The following CCDC12 variants were observed in gnomAD, a reference collection of about 807,000 sequenced individuals.
The protein encoded by CCDC12 is coiled-coil domain-containing protein 12.
Under a neutral mutation model 25.7 loss-of-function variants are expected in CCDC12, and 28 were observed. The ratio of observed to expected loss-of-function variants is 1.09; its 90% CI spans 0.81 to 1.50. The LOEUF (loss-of-function observed/expected upper bound fraction) is 1.50, where lower values mean the gene tolerates loss of function less well. Among genes scored for constraint, CCDC12 ranks in the 40% most tolerant of loss-of-function variants. CCDC12 has a pLI of 0.00. For synonymous variants in CCDC12, 75 were observed against 87.7 expected, an observed-to-expected ratio of 0.86 and a Z score of 0.81; for missense variants, 198 against 210.0, an observed-to-expected ratio of 0.94 and a Z score of 0.35.
At chr3:46,946,933 A>C (rs1296871173) in intron 1 of CCDC12, among the ~76,000 whole-genome samples, 1 of 152,162 alleles carries the variant, frequency 6.6e-6, no homozygotes, top group East Asian at 1.9e-4. Flanking sequence ...TCCCTTCCAG[A>C]AGGAAATAAG....
intron 1 of CCDC12, 169 bp downstream of exon 1, chr3:46,976,468 C>G: frequency 1.4e-6 from 2 of 1,427,616 alleles, no homozygotes; most frequent in Non-Finnish European, 9.1e-7. Context: ...CCACGCCAAG[C>G]AGCCCCAGAC....
chr3:46,940,978 G>C lies in CCDC12; in HGVS notation c.164+20C>G. The C allele has an allele frequency of 6.2e-7, 1 of 1,613,340 alleles. No individual in the cohort carries two copies. Among genetic ancestry groups the C allele is most frequent in the Non-Finnish European group, 8.5e-7 (1 of 1,179,262 alleles). ...GTGCTGGAGGAGAGAGCAGACCCTG[G>C]AGCTGCACACGGGCATTACCTGTGC... On this transcript the variant is annotated intron_variant, in intron 2 of 6. Coordinates refer to ENST00000683445, the MANE Select transcript of CCDC12 (RefSeq NM_001277074.2).
intron 1 of CCDC12, among the ~76,000 whole-genome samples, chr3:46,942,457 G>T (rs1003235129): frequency 6.6e-6 from 1 of 152,238 alleles, no homozygotes; most frequent in Non-Finnish European, 1.5e-5. Flanking sequence ...CACAGAATGC[G>T]CTGGAGCCTG....
At chr3:46,932,577 C>T (rs1286020558) in intron 2 of CCDC12, among the ~76,000 whole-genome samples, 3 of 152,218 alleles carry the variant, frequency 2.0e-5, no homozygotes, top group Non-Finnish European at 4.4e-5. Context: ...CACCCCAAGC[C>T]TCCTGTCCTT....
At chr3:46,947,920 T>A (rs2033967469) in intron 1 of CCDC12, among the ~76,000 whole-genome samples, 1 of 152,104 alleles carries the variant, frequency 6.6e-6, no homozygotes, top group Non-Finnish European at 1.5e-5. Context: ...CATATCACCA[T>A]TACAAGGAAA....
chr3:46,951,012 G>A (rs186808282), intron 1 of CCDC12, among the ~76,000 whole-genome samples: 15 of 152,156 alleles, frequency 9.9e-5, no homozygotes, highest in Non-Finnish European at 1.9e-4. Flanking sequence ...AGGCCGAGGC[G>A]GGTCCCAACT....
chr3:46,939,783 G>C (rs1014004214), intron 2 of CCDC12, among the ~76,000 whole-genome samples: 1 of 152,180 alleles, frequency 6.6e-6, no homozygotes, highest in East Asian at 1.9e-4. Context: ...TCTGTAAGTC[G>C]TGTCTGTGAT....
At chr3:46,943,016 C>T (rs751380381) in intron 1 of CCDC12, among the ~76,000 whole-genome samples, 2 of 151,970 alleles carry the variant, frequency 1.3e-5, no homozygotes, top group South Asian at 2.1e-4. Flanking sequence ...AGGCAATGGC[C>T]GAACACAGAG....
chr3:46,938,545 G>T (rs13071242), intron 2 of CCDC12, among the ~76,000 whole-genome samples: 126,801 of 133,718 alleles, frequency 0.95, 59,942 homozygotes, highest in Middle Eastern at 1. Context: ...TTTTTTTTTG[G>T]TACAACAAAA....
intron 3 of CCDC12, chr3:46,925,125 A>C: frequency 2.2e-6 from 1 of 458,898 alleles, no homozygotes; most frequent in Non-Finnish European, 4.3e-6. Context: ...CCTGCTGCCC[A>C]AGGGCCCCAT....
chr3:46,968,621 T>C (rs532675458), intron 1 of CCDC12, among the ~76,000 whole-genome samples: 4 of 152,320 alleles, frequency 2.6e-5, no homozygotes, highest in Admixed American at 6.5e-5. Context: ...ATGCGATTAA[T>C]GGAGCAGAGG....
intron 2 of CCDC12, among the ~76,000 whole-genome samples, chr3:46,937,438 G>A (rs982848695): frequency 1.7e-4 from 26 of 152,194 alleles, no homozygotes; most frequent in Non-Finnish European, 3.2e-4. Flanking sequence ...TTCACACCTG[G>A]CACCTGGGCT....
At chr3:46,960,555 C>T (rs931825946) in intron 1 of CCDC12, among the ~76,000 whole-genome samples, 4 of 152,234 alleles carry the variant, frequency 2.6e-5, no homozygotes, top group African/African-American at 9.6e-5. Flanking sequence ...CTCTTTAGAG[C>T]CCTGAATCAA....
chr3:46,972,513 T>G (rs2034834598), intron 1 of CCDC12, among the ~76,000 whole-genome samples: 1 of 151,984 alleles, frequency 6.6e-6, no homozygotes, highest in Admixed American at 6.6e-5. Flanking sequence ...AGAAAATATA[T>G]ATACAAGTGG....
intron 1 of CCDC12, among the ~76,000 whole-genome samples, chr3:46,945,093 T>G (rs1399812267): frequency 6.6e-6 from 1 of 152,236 alleles, no homozygotes; most frequent in Non-Finnish European, 1.5e-5. Context: ...TATCAGGGTC[T>G]GACCGTAGGC....
chr3:46,972,509 T>C lies in CCDC12; in HGVS notation c.96+4128A>G, dbSNP rs535925437. Among the ~76,000 whole-genome samples, 162 of 151,836 alleles carry C rather than the reference T, an allele frequency of 1.1e-3. 1 individual carries two copies. Among genetic ancestry groups the C allele is most frequent in the Non-Finnish European group, 2.0e-3 (136 of 67,930 alleles). ...AATCTGGATACTTCTTCAAAGAAAA[T>C]ATATATACAAGTGGCAAACAAGCAT... On this transcript the variant is annotated intron_variant, in intron 1 of 6. Coordinates refer to ENST00000683445, the MANE Select transcript of CCDC12 (RefSeq NM_001277074.2).
chr3:46,952,870 A>G (rs920765669), intron 1 of CCDC12, among the ~76,000 whole-genome samples: 3 of 152,246 alleles, frequency 2.0e-5, no homozygotes, highest in African/African-American at 7.2e-5. Flanking sequence ...ACCCATCCAG[A>G]GTCACACAGC....
intron 1 of CCDC12, among the ~76,000 whole-genome samples, chr3:46,960,584 A>G (rs1399132277): frequency 6.6e-6 from 1 of 152,212 alleles, no homozygotes; most frequent in Non-Finnish European, 1.5e-5. Context: ...AGGAGTGTGG[A>G]TGTTACTGCC....
intron 1 of CCDC12, chr3:46,976,175 G>T: frequency 2.8e-6 from 1 of 352,744 alleles, no homozygotes; most frequent in South Asian, 9.7e-5. Context: ...AAACGACTCC[G>T]GCTGTATACC....
Sources: gnomAD v4.1 joint callset for allele counts (sites outside exome capture counted in the v4.1 genomes callset) on GRCh38, gnomAD v4.1.1 for gene constraint, MANE v1.5 for transcripts, NCBI Gene and HGNC (gene_info 2026-07-23, HGNC 2026-07-21) for gene names.